The following HMGXB3 variants were observed in gnomAD, a reference collection of about 807,000 sequenced individuals.
The protein encoded by HMGXB3 is HMG-box containing 3.
In HMGXB3, 45 loss-of-function variants were observed where a neutral mutation model predicts 121.5. The observed-to-expected ratio is 0.37, with a 90% CI of 0.29 to 0.47. The LOEUF (loss-of-function observed/expected upper bound fraction) is 0.47, where lower values mean the gene tolerates loss of function less well. Among genes scored for constraint, HMGXB3 ranks in the 20% least tolerant of loss-of-function variants. The pLI, the probability that HMGXB3 is intolerant of heterozygous loss-of-function variation, is 0.99. For synonymous variants in HMGXB3, 590 were observed against 624.1 expected (o/e 0.95, Z 0.81); for missense variants, 1,376 against 1,602.2 (o/e 0.86, Z 2.41).
intron 5 of HMGXB3, among the ~76,000 whole-genome samples, chr5:150,012,636 T>C (rs1160361075): frequency 6.6e-6 from 1 of 152,212 alleles, no homozygotes; most frequent in Non-Finnish European, 1.5e-5. Context: ...TCCATGACTT[T>C]TATAAAATTT....
chr5:150,018,733 C>G, intron 6 of HMGXB3, 36 bp downstream of exon 6: 2 of 1,527,704 alleles, frequency 1.3e-6, no homozygotes, highest in Non-Finnish European at 1.8e-6. Context: ...TTGGAAGCCT[C>G]ACAGAATAGA....
intron 5 of HMGXB3, among the ~76,000 whole-genome samples, chr5:150,016,296 G>A (rs918051904): frequency 5.4e-5 from 8 of 147,174 alleles, no homozygotes; most frequent in African/African-American, 1.0e-4. Flanking sequence ...AGCTGTGATC[G>A]TGCCACTGCA....
intron 7 of HMGXB3, among the ~76,000 whole-genome samples, chr5:150,025,758 A>G (rs935167242): frequency 6.0e-5 from 9 of 149,526 alleles, no homozygotes; most frequent in Admixed American, 3.3e-4. Flanking sequence ...TTTTTTGTAG[A>G]GATGGGGTTT....
At chr5:150,021,155 C>T (rs9324638) in intron 6 of HMGXB3, among the ~76,000 whole-genome samples, 128,240 of 152,228 alleles carry the variant, frequency 0.84, 54,451 homozygotes, top group African/African-American at 0.96. Flanking sequence ...CCAATGTGTT[C>T]TGCAAGGATT....
chr5:150,010,483 C>G lies in HMGXB3; in HGVS notation c.685C>G (p.Pro229Ala). The change falls in exon 4 of 20, where the codon CCT becomes GCT. Residue 229 changes from proline to alanine, a missense_variant. Around this residue, in one of 2 missense-constraint regions of HMGXB3, gnomAD observed 1,116 missense variants for 1,369.0 expected, o/e 0.82. Transcript: ENST00000502717. ...CCTAGAAGTAGGGGAGAGCCACCAA[C>G]CTTACCAGACAAGCCTGGTAATTGA... is the stretch of plus-strand genomic sequence containing the variant. ...ASLEVGESHQPYQTSLVIEET... is the reference protein window; with the variant it reads ...ASLEVGESHQAYQTSLVIEET... 1 of 1,551,688 alleles carries G rather than the reference C, an allele frequency of 6.4e-7. No homozygotes were observed.
intron 11 of HMGXB3, among the ~76,000 whole-genome samples, chr5:150,034,047 T>G (rs7445660): frequency 0.55 from 83,152 of 152,012 alleles, 25,630 homozygotes; most frequent in Non-Finnish European, 0.7. Context: ...GATCTGGGCA[T>G]TTTACTCTTA....
At chr5:150,004,617 G>T (rs774783752) in intron 1 of HMGXB3, among the ~76,000 whole-genome samples, 1 of 152,200 alleles carries the variant, frequency 6.6e-6, no homozygotes, top group Admixed American at 6.5e-5. Flanking sequence ...TGAGGCATTT[G>T]TTAAGCATGT....
At chr5:150,016,821 A>G (rs1157879274) in intron 5 of HMGXB3, among the ~76,000 whole-genome samples, 1 of 152,178 alleles carries the variant, frequency 6.6e-6, no homozygotes, top group Non-Finnish European at 1.5e-5. Flanking sequence ...TTCTTCTGAT[A>G]TAAGTATTTT....
At chr5:150,037,321 A>G (rs1756522841) in intron 12 of HMGXB3, 79 bp from the exon 13 acceptor site, 7 of 1,344,920 alleles carry the variant, frequency 5.2e-6, no homozygotes, top group Non-Finnish European at 6.9e-6. Flanking sequence ...AGAATTTGCC[A>G]TTGATCACTG....
At position 150,026,815 on chromosome 5, in the gene HMGXB3, C is replaced by T; in HGVS notation, c.1570C>T (p.Pro524Ser). 4 of 1,545,888 alleles carry T rather than the reference C, an allele frequency of 2.6e-6. No individual in the cohort carries two copies. Among genetic ancestry groups the T allele is most frequent in the Non-Finnish European group, 3.5e-6 (4 of 1,144,890 alleles). The change falls in exon 8 of 20, where the codon CCA becomes TCA. Residue 524 changes from proline to serine, a missense_variant. Pro to Ser is a moderately conservative substitution (Grantham distance 74, BLOSUM62 -1). Around this residue, in one of 2 missense-constraint regions of HMGXB3, gnomAD observed 1,116 missense variants for 1,369.0 expected, o/e 0.82. Coordinates refer to ENST00000502717, the MANE Select transcript of HMGXB3 (RefSeq NM_014983.3). The stretch of plus-strand genomic sequence containing the variant: ...ACCCATGAGAGCAATTTTGCCAGCC[C>T]CAGTTAACGTGGGGCGAGGCAGCAG... ...ARPMRAILPA[P>S]VNVGRGSSMG...
intron 12 of HMGXB3, 66 bp downstream of exon 12, chr5:150,037,003 A>C: frequency 7.6e-7 from 1 of 1,313,070 alleles, no homozygotes; most frequent in South Asian, 1.5e-5. Flanking sequence ...TCTTTTCTTC[A>C]GAAAACATTA....
chr5:150,032,623 C>T lies in HMGXB3; in HGVS notation c.1983+20C>T. 4.5e-6 allele frequency: 7 copies of T among 1,552,080 alleles called. No individual in the cohort carries two copies. Among genetic ancestry groups the T allele is most frequent in the Non-Finnish European group, 6.1e-6 (7 of 1,146,954 alleles). ...GCTATCGTGAGTTCCTTCCCCCAAA[C>T]ACATCCCCTGGCCTGTTCTGGGCTC... On this transcript the variant is annotated intron_variant, in intron 11 of 19. Transcript: ENST00000502717.
rs1301951409 is a variant in HMGXB3, at chr5:150,048,698, C to G, written c.3201+13C>G. ...GTGCCCCCATCAGGTAAGAAAATAA[C>G]TAGGGGGAGCTTGGAGTGAATTTGC... On this transcript the variant is annotated intron_variant, in intron 18 of 19. Coordinates refer to ENST00000502717, the MANE Select transcript of HMGXB3 (RefSeq NM_014983.3). 2 of 1,491,222 alleles carry G rather than the reference C, an allele frequency of 1.3e-6. No homozygotes were observed. Among genetic ancestry groups the G allele is most frequent in the Non-Finnish European group, 9.2e-7 (1 of 1,091,916 alleles). The allele number at this position is 1,491,222 out of a possible 1,614,324, so 92.4% of individuals were successfully genotyped here.
intron 5 of HMGXB3, among the ~76,000 whole-genome samples, chr5:150,016,340 CAAAAAAAAAA>C (rs34992392): frequency 1.1e-5 from 1 of 92,626 alleles, no homozygotes; most frequent in South Asian, 3.6e-4. Flanking sequence ...GACTCTGTCT[CAAAAAAAAAA>C]AAAAAAAAAA....
rs373193475 is a variant in HMGXB3 at position 150,052,739 on chromosome 5, C to T, written c.*547C>T. The stretch of plus-strand genomic sequence containing the variant: ...GGGATGCATTTCTCTCTTGCTCTTC[C>T]TGTACCCACATTTGGGGGAAGCTGA... On this transcript the variant is annotated 3_prime_UTR_variant, in exon 20 of 20. Coordinates refer to ENST00000502717, the MANE Select transcript of HMGXB3 (RefSeq NM_014983.3). The T allele has an allele frequency of 3.0e-4, 46 of 154,980 alleles. 2 individuals are homozygous for T. The South Asian group carries it at 6.7e-3, about 22-fold the overall frequency. 9.6% of individuals were successfully genotyped at this position (154,980 alleles called of 1,614,324 possible).
At chr5:150,009,033 C>T (rs1755770915) in intron 3 of HMGXB3, among the ~76,000 whole-genome samples, 2 of 152,172 alleles carry the variant, frequency 1.3e-5, no homozygotes, top group African/African-American at 4.8e-5. Flanking sequence ...AAAGATACTT[C>T]TGAAATTTTT....
chr5:150,005,259 A>G (rs903214871), intron 2 of HMGXB3, among the ~76,000 whole-genome samples: 10 of 152,254 alleles, frequency 6.6e-5, no homozygotes, highest in Non-Finnish European at 1.5e-5. Context: ...TTATTATGCC[A>G]TTGTTGTTAT....
In HMGXB3 at chr5:150,010,105, C is replaced by T. The variant is rs1225608848; in HGVS notation, c.313-6C>T. ...GTCTCCCCCTTCCTGGCTTCCTCAT[C>T]CTCAGAACTCTAAGCTCTCTGCACT... On this transcript the variant is annotated splice_region_variant and splice_polypyrimidine_tract_variant and intron_variant, in intron 3 of 19. Transcript: ENST00000502717. 6.5e-7 allele frequency: 1 copy of T among 1,547,866 alleles called. No homozygotes were observed. Among genetic ancestry groups the T allele is most frequent in the Non-Finnish European group, 8.7e-7 (1 of 1,144,492 alleles).
rs1226972091 is a variant in HMGXB3, at chr5:150,026,860, A to T, written c.1615A>T (p.Arg539Trp). The T allele has an allele frequency of 6.6e-7, 1 of 1,515,398 alleles. No individual in the cohort carries two copies. Among genetic ancestry groups the T allele is most frequent in the South Asian group, 1.3e-5 (1 of 77,878 alleles). The allele number at this position is 1,515,398 out of a possible 1,614,324, so 93.9% of individuals were successfully genotyped here. A position where few individuals can be genotyped will look rare whatever the true frequency, so the allele number is the denominator to read the frequency against. ...CAGCAGCATGGGACTGCCCAGGGCC[A>T]GGCAGGCCTTTTCCCTGAGTGGTAA... ...RGSSMGLPRA[R>W]QAFSLSDKTP... Residue 539 changes from arginine (R) to tryptophan (W), a missense_variant, in exon 8 of 20, where the codon AGG (arginine) becomes TGG (tryptophan). Transcript: ENST00000502717.
Sources: allele counts gnomAD v4.1 joint callset (sites outside exome capture counted in the v4.1 genomes callset), GRCh38; gene constraint gnomAD v4.1.1; regional missense constraint gnomAD v4.1.1; transcripts MANE v1.5; gene names NCBI Gene and HGNC (gene_info 2026-07-23, HGNC 2026-07-21).